Variants in NINJ2 observed in about 807,000 individuals in gnomAD.
NINJ2 encodes the protein ninjurin-2.
A neutral mutation model predicts 11.7 loss-of-function variants in NINJ2; 12 were observed. The ratio of observed to expected loss-of-function variants is 1.02; its 90% confidence interval spans 0.66 to 1.66. The LOEUF is 1.66. Among genes scored for constraint, NINJ2 ranks in the 40% most tolerant of loss-of-function variants. NINJ2 has a pLI of 0.00. For missense variants in NINJ2, 187 were observed against 181.8 expected, an observed-to-expected ratio of 1.03 and a Z score of -0.16; for synonymous variants, 93 against 76.8, an observed-to-expected ratio of 1.21 and a Z score of -1.10.
At chr12:635,053 CTT>C (rs1186262966) in intron 1 of NINJ2, among the ~76,000 whole-genome samples, 39 of 140,776 alleles carry the variant, frequency 2.8e-4, no homozygotes, top group East Asian at 4.1e-4. Flanking sequence ...TCCCCATATA[CTT>C]TTTTTTTTTT....
chr12:598,724 G>C (rs1275661747), intron 1 of NINJ2, among the ~76,000 whole-genome samples: 7 of 151,676 alleles, frequency 4.6e-5, no homozygotes, highest in Admixed American at 4.6e-4. Flanking sequence ...TTTTGAGACA[G>C]GATCTTTCTT....
intron 1 of NINJ2, among the ~76,000 whole-genome samples, chr12:650,702 A>G (rs1937774664): frequency 6.6e-6 from 1 of 152,208 alleles, no homozygotes; most frequent in Non-Finnish European, 1.5e-5. Context: ...CAGTCTGTAT[A>G]GGGATATCTT....
intron 1 of NINJ2, among the ~76,000 whole-genome samples, chr12:569,896 G>A (rs1050877287): frequency 2.0e-5 from 3 of 152,224 alleles, no homozygotes; most frequent in African/African-American, 7.2e-5. Flanking sequence ...GGCGGGATCA[G>A]GGTGTCCCCG....
intron 1 of NINJ2, among the ~76,000 whole-genome samples, chr12:637,502 A>G (rs1948366617): frequency 1.4e-5 from 2 of 146,076 alleles, no homozygotes; most frequent in Admixed American, 6.8e-5. Context: ...TTAGCTGGGC[A>G]TGGTGGCAGG....
chr12:660,244 C>T (rs569184174), intron 1 of NINJ2, among the ~76,000 whole-genome samples: 2 of 144,686 alleles, frequency 1.4e-5, no homozygotes, highest in East Asian at 2.0e-4. Flanking sequence ...GCCAAGATTG[C>T]ACCACTGCAC....
intron 1 of NINJ2, among the ~76,000 whole-genome samples, chr12:609,543 G>A (rs983435405): frequency 2.0e-5 from 3 of 152,168 alleles, no homozygotes; most frequent in South Asian, 4.1e-4. Context: ...GCTGAGGCGG[G>A]TGGATCACGA....
At chr12:565,840 G>T in intron 2 of NINJ2, 110 bp downstream of exon 2, 1 of 936,546 alleles carries the variant, frequency 1.1e-6, no homozygotes, top group Non-Finnish European at 1.7e-6. Context: ...GTCAGCGTGT[G>T]GTTGCAAAGC....
chr12:612,618 G>A (rs887464745), intron 1 of NINJ2, among the ~76,000 whole-genome samples: 41 of 152,244 alleles, frequency 2.7e-4, no homozygotes, highest in African/African-American at 8.9e-4. Flanking sequence ...GGTAGGGCTC[G>A]AGGTTCTGGC....
intron 1 of NINJ2, among the ~76,000 whole-genome samples, chr12:600,422 G>A (rs184219112): frequency 3.0e-4 from 45 of 152,220 alleles, no homozygotes; most frequent in African/African-American, 1.1e-3. Context: ...GGGCATGGGT[G>A]ATGCACACCT....
chr12:578,622 G>A (rs1311937708), intron 1 of NINJ2, among the ~76,000 whole-genome samples: 2 of 152,114 alleles, frequency 1.3e-5, no homozygotes, highest in African/African-American at 4.8e-5. Context: ...CCGGCCGAGA[G>A]CACCCATTTT....
chr12:662,482 G>C (rs1290375691), intron 1 of NINJ2, among the ~76,000 whole-genome samples: 1 of 152,150 alleles, frequency 6.6e-6, no homozygotes, highest in Non-Finnish European at 1.5e-5. Context: ...TTAATCCGAA[G>C]TGTATATTGG....
chr12:579,554 C>G (rs563587861), intron 1 of NINJ2, among the ~76,000 whole-genome samples: 2 of 152,270 alleles, frequency 1.3e-5, no homozygotes, highest in African/African-American at 4.8e-5. Context: ...TGTTCCCAAA[C>G]GGCAGTCATT....
At chr12:617,021 C>A (rs7135801) in intron 1 of NINJ2, among the ~76,000 whole-genome samples, 22,354 of 152,132 alleles carry the variant, frequency 0.15, 2,049 homozygotes, top group South Asian at 0.26. Flanking sequence ...GCCTGGCCAA[C>A]ATGGTGAAAC....
intron 1 of NINJ2, among the ~76,000 whole-genome samples, chr12:642,333 C>T (rs12832701): frequency 0.3 from 45,803 of 152,156 alleles, 7,029 homozygotes; most frequent in Non-Finnish European, 0.34. Context: ...CGAGTTCAAG[C>T]GATCCTCCTG....
chr12:639,147 A>G (rs1030574706), intron 1 of NINJ2, among the ~76,000 whole-genome samples: 11 of 152,214 alleles, frequency 7.2e-5, no homozygotes, highest in African/African-American at 2.4e-4. Flanking sequence ...AGTCGCAGAC[A>G]TTTGTTACAA....
intron 1 of NINJ2, chr12:610,438 G>C: frequency 6.5e-7 from 1 of 1,535,482 alleles, no homozygotes; most frequent in Non-Finnish European, 8.7e-7. Flanking sequence ...AGTCTCAACG[G>C]AAAATGAGGT....
rs1464293527 is a variant in NINJ2, at chr12:580,958, GTGTT to G, written c.34-14784_34-14781del. On this transcript the variant is annotated intron_variant, in intron 1 of 3. Coordinates refer to ENST00000305108, the MANE Select transcript of NINJ2 (RefSeq NM_016533.6). This position sits in a 1 kb window ranked among gnomAD's most constrained non-coding sequence, Gnocchi z 4.7. ...CCTGTGTGTCTGTGTGTATTCATGT[GTGTT>G]TGTGTGTATGTGTGTGTCCATGTCT... Among the ~76,000 whole-genome samples, 1 of 151,470 alleles carries G rather than the reference GTGTT, an allele frequency of 6.6e-6. No homozygotes were observed. The highest frequency in any genetic ancestry group is 2.4e-5 in the African/African-American group (1 of 41,174).
At chr12:597,891 C>A (rs1446779727) in intron 1 of NINJ2, among the ~76,000 whole-genome samples, 2 of 152,238 alleles carry the variant, frequency 1.3e-5, no homozygotes, top group Non-Finnish European at 2.9e-5. Flanking sequence ...GGCCAGAGGG[C>A]CCAGAGGCCT....
At chr12:634,265 C>CTGTTTTTTTTTTTTTTTTTTTTTT (rs1948317221) in intron 1 of NINJ2, among the ~76,000 whole-genome samples, 1 of 59,480 alleles carries the variant, frequency 1.7e-5, no homozygotes, top group Non-Finnish European at 3.1e-5. Flanking sequence ...AGTTGCAGTT[C>CTGTTTTTTTTTTTTTTTTTTTTTT]TTTTTTTTTT....
Sources: allele counts gnomAD v4.1 joint callset (sites outside exome capture counted in the v4.1 genomes callset), GRCh38; gene constraint gnomAD v4.1.1; non-coding constraint Gnocchi (gnomAD v3.1); transcripts MANE v1.5; gene names NCBI Gene and HGNC (gene_info 2026-07-23, HGNC 2026-07-21).